ARHGAP12: variants seen among roughly 807,000 people sequenced by gnomAD.
ARHGAP12 encodes the protein rho GTPase-activating protein 12.
In ARHGAP12, 64 loss-of-function variants were observed where a neutral mutation model predicts 108.6. That is an observed-to-expected ratio of 0.59 (90% CI 0.48 to 0.73). The LOEUF is 0.73. Ranked by LOEUF, ARHGAP12 falls within the 30% of genes least tolerant of loss-of-function variation. The pLI is 0.00. For missense variants in ARHGAP12, 940 were observed against 1,005.9 expected (o/e 0.93, Z 0.89); for synonymous variants, 312 against 337.2 (o/e 0.93, Z 0.82).
intron 15 of ARHGAP12, among the ~76,000 whole-genome samples, chr10:31,812,351 T>C (rs1835054305): frequency 6.6e-6 from 1 of 152,180 alleles, no homozygotes; most frequent in African/African-American, 2.4e-5. Context: ...TGTTCATTTT[T>C]CTTTCTATTG....
At chr10:31,924,793 T>G (rs1235550917) in intron 1 of ARHGAP12, among the ~76,000 whole-genome samples, 1 of 152,118 alleles carries the variant, frequency 6.6e-6, no homozygotes. Context: ...CTTTACCATT[T>G]ATCAGCTCTC....
rs1267346223 is a variant in ARHGAP12, at chr10:31,928,819, G to C, written c.-247C>G. On this transcript the variant is annotated 5_prime_UTR_variant, in exon 1 of 20. Coordinates refer to ENST00000344936, the MANE Select transcript of ARHGAP12 (RefSeq NM_018287.7). ...CGTCCCCGCAGGCTGGCCTCTGAGG[G>C]AGGGTAAGTTACAGGGCACGTCGGA... is the stretch of plus-strand genomic sequence containing the variant. 1 of 151,878 alleles carries C rather than the reference G, an allele frequency of 6.6e-6. No individual in the cohort carries two copies. Among genetic ancestry groups the C allele is most frequent in the Admixed American group, 6.6e-5 (1 of 15,264 alleles). 9.4% of individuals were successfully genotyped at this position (151,878 alleles called of 1,614,324 possible).
chr10:31,852,526 T>C lies in ARHGAP12; in HGVS notation c.1161A>G (p.Glu387=). ...YSADGSRSEW[E]LPKYNASSQQ... ...TGTCAAGGTTTATTACCTTTGGCAA[T>C]TCCCATTCTGACCGAGATCCGTCTG... The change falls in exon 6 of 20, where the codon GAA becomes GAG. Residue 387 remains glutamate (E), a synonymous_variant. Transcript: ENST00000344936. The C allele has an allele frequency of 6.2e-7, 1 of 1,609,468 alleles. No homozygotes were observed. Among genetic ancestry groups the C allele is most frequent in the Non-Finnish European group, 8.5e-7 (1 of 1,175,906 alleles).
intron 19 of ARHGAP12, 143 bp from the exon 20 acceptor site, chr10:31,807,975 A>C: frequency 1.9e-6 from 1 of 533,704 alleles, no homozygotes; most frequent in Non-Finnish European, 3.0e-6. Context: ...CTATTTAACC[A>C]AGTAGAATTC....
In ARHGAP12 at chr10:31,917,641, C is replaced by T. The variant is rs533519055; in HGVS notation, c.-110-7078G>A. Among the ~76,000 whole-genome samples the T allele has an allele frequency of 1.1e-4, 16 of 152,264 alleles. No homozygotes were observed. The South Asian group carries it at 3.3e-3, about 32-fold the overall frequency. ...CAATTACTTGCATGTGTTTACCAAT[C>T]CCCCATGTTTTAAAAAGATATAATC... On this transcript the variant is annotated intron_variant, in intron 1 of 19. Coordinates refer to ENST00000344936, the MANE Select transcript of ARHGAP12 (RefSeq NM_018287.7).
At chr10:31,896,810 A>AT (rs1177746002) in intron 3 of ARHGAP12, among the ~76,000 whole-genome samples, 1 of 152,206 alleles carries the variant, frequency 6.6e-6, no homozygotes, top group Admixed American at 6.5e-5. Context: ...TAACACCAAG[A>AT]TAAAAGCTGA....
At chr10:31,895,162 G>A (rs924398122) in intron 3 of ARHGAP12, among the ~76,000 whole-genome samples, 10 of 152,132 alleles carry the variant, frequency 6.6e-5, no homozygotes, top group African/African-American at 2.2e-4. Flanking sequence ...GAAAACTTAG[G>A]CAATACCATT....
chr10:31,865,877 C>CAAAA (rs34210099), intron 3 of ARHGAP12, among the ~76,000 whole-genome samples: 1 of 127,898 alleles, frequency 7.8e-6, no homozygotes, highest in South Asian at 2.4e-4. Flanking sequence ...GACTCCGTCT[C>CAAAA]AAAAAAAAAA....
At chr10:31,820,807 C>T (rs1835388934) in intron 11 of ARHGAP12, among the ~76,000 whole-genome samples, 1 of 150,484 alleles carries the variant, frequency 6.6e-6, no homozygotes, top group Admixed American at 6.6e-5. Flanking sequence ...GTTGGTGAGG[C>T]TATAGACTAA....
At chr10:31,920,466 A>AG (rs1554792353) in intron 1 of ARHGAP12, among the ~76,000 whole-genome samples, 1 of 151,054 alleles carries the variant, frequency 6.6e-6, no homozygotes. Context: ...AAAAAAAAAA[A>AG]AAAAAGAAAA....
intron 1 of ARHGAP12, among the ~76,000 whole-genome samples, chr10:31,914,210 G>A (rs184896378): frequency 1.3e-5 from 2 of 152,220 alleles, no homozygotes; most frequent in African/African-American, 4.8e-5. Context: ...CGTTGCCTGT[G>A]TTTTAGAGGT....
At position 31,843,541 on chromosome 10, in the gene ARHGAP12, T is replaced by A; in HGVS notation, c.1216A>T (p.Ser406Cys). The A allele has an allele frequency of 6.2e-7, 1 of 1,611,722 alleles. No individual in the cohort carries two copies. The highest frequency in any genetic ancestry group is 8.5e-7 in the Non-Finnish European group (1 of 1,179,268). Reference protein sequence around the residue: ...QQQREIIKSRSLDRRLQEPIV... With the variant: ...QQQREIIKSRCLDRRLQEPIV... ...GGTTCTTGCAGCCGCCTGTCCAGGC[T>A]CCTACTTTTAATTATTTCTCTTTGC... is the stretch of plus-strand genomic sequence containing the variant. The change falls in exon 7 of 20, where the codon AGC becomes TGC. Residue 406 changes from serine (S) to cysteine (C), a missense_variant. Coordinates refer to ENST00000344936, the MANE Select transcript of ARHGAP12 (RefSeq NM_018287.7).
At chr10:31,916,674 T>C (rs1286561074) in intron 1 of ARHGAP12, among the ~76,000 whole-genome samples, 1 of 152,180 alleles carries the variant, frequency 6.6e-6, no homozygotes, top group African/African-American at 2.4e-5. Context: ...TGGAGTGCAG[T>C]GGCGCCATCT....
At chr10:31,909,439 T>G (rs1177700826) in intron 2 of ARHGAP12, among the ~76,000 whole-genome samples, 1 of 152,190 alleles carries the variant, frequency 6.6e-6, no homozygotes, top group East Asian at 1.9e-4. Context: ...CCCACCTGTT[T>G]GGGGATGAAT....
intron 11 of ARHGAP12, among the ~76,000 whole-genome samples, chr10:31,820,712 T>TTA (rs59605145): frequency 0.042 from 4,946 of 118,090 alleles, 96 homozygotes; most frequent in Non-Finnish European, 0.048. Flanking sequence ...TTCCATCATA[T>TTA]TATATATATA....
chr10:31,926,163 G>A (rs771677791), intron 1 of ARHGAP12, among the ~76,000 whole-genome samples: 5 of 152,186 alleles, frequency 3.3e-5, no homozygotes, highest in Admixed American at 2.6e-4. Flanking sequence ...ATCAACAGGG[G>A]AAGGAGGCTT....
intron 3 of ARHGAP12, among the ~76,000 whole-genome samples, chr10:31,902,343 A>G (rs1270133351): frequency 1.3e-5 from 2 of 151,944 alleles, no homozygotes; most frequent in Non-Finnish European, 2.9e-5. Flanking sequence ...AAAAAAAAAA[A>G]AGAATCTTGA....
chr10:31,908,415 G>A lies in ARHGAP12; in HGVS notation c.441C>T (p.Asn147=). The A allele has an allele frequency of 2.5e-6, 4 of 1,614,162 alleles. No homozygotes were observed. Among genetic ancestry groups the A allele is most frequent in the Non-Finnish European group, 2.5e-6 (3 of 1,180,024 alleles). ...GPSYNQGQTV[N]LSLDLTHNNG... is the part of the protein sequence containing the mutation. ...TATTATGGGTCAGGTCCAGGCTTAG[G>A]TTGACAGTCTGACCTTGATTATAAC... The change falls in exon 3 of 20, where the codon AAC becomes AAT. Residue 147 remains asparagine (N), a synonymous_variant. Coordinates refer to ENST00000344936, the MANE Select transcript of ARHGAP12 (RefSeq NM_018287.7).
intron 12 of ARHGAP12, among the ~76,000 whole-genome samples, 153 bp from the exon 13 acceptor site, chr10:31,818,039 T>C (rs372950998): frequency 3.4e-4 from 52 of 152,206 alleles, no homozygotes; most frequent in East Asian, 1.5e-3. Context: ...TACACGGCTA[T>C]GGAATACCTT....
Sources: gnomAD v4.1 joint callset for allele counts (sites outside exome capture counted in the v4.1 genomes callset) on GRCh38, gnomAD v4.1.1 for gene constraint, MANE v1.5 for transcripts, NCBI Gene and HGNC (gene_info 2026-07-23, HGNC 2026-07-21) for gene names.